Variants in TMEM132D observed in about 807,000 individuals in gnomAD.
TMEM132D encodes mature OL transmembrane protein.
In TMEM132D, 21 loss-of-function variants were observed where a neutral mutation model predicts 62.3. That is an observed-to-expected ratio of 0.34 (90% CI 0.24 to 0.49). TMEM132D has a LOEUF of 0.49. TMEM132D is among the 20% of genes least tolerant of loss of function. TMEM132D has a pLI of 0.99. For missense variants in TMEM132D, 1,346 were observed against 1,402.8 expected (o/e 0.96, Z 0.65); for synonymous variants, 621 against 575.6 (o/e 1.08, Z -1.13).
chr12:129,785,126 G>A (rs1456274132), intron 1 of TMEM132D, among the ~76,000 whole-genome samples: 3 of 152,136 alleles, frequency 2.0e-5, no homozygotes, highest in Non-Finnish European at 2.9e-5. Flanking sequence ...GGATCAGTGG[G>A]CTCCTAGGGT....
chr12:129,563,653 A>T (rs1247919989), intron 2 of TMEM132D, among the ~76,000 whole-genome samples: 11 of 152,322 alleles, frequency 7.2e-5, no homozygotes, highest in African/African-American at 2.6e-4. Context: ...TTGTCCTTTT[A>T]GGATAGATTC....
chr12:129,762,704 T>A (rs1870423561), intron 1 of TMEM132D, among the ~76,000 whole-genome samples: 1 of 152,154 alleles, frequency 6.6e-6, no homozygotes, highest in Non-Finnish European at 1.5e-5. Flanking sequence ...AGCCAGGCAG[T>A]CTGTTTCTAG....
chr12:129,192,268 C>T (rs938759161), intron 5 of TMEM132D, among the ~76,000 whole-genome samples: 1 of 152,166 alleles, frequency 6.6e-6, no homozygotes, highest in Non-Finnish European at 1.5e-5. Flanking sequence ...TAGAAGTTCT[C>T]ATTTGGAATT....
intron 4 of TMEM132D, among the ~76,000 whole-genome samples, chr12:129,319,475 G>T (rs961877192): frequency 2.6e-5 from 4 of 152,202 alleles, no homozygotes; most frequent in African/African-American, 9.6e-5. Context: ...TCCTGCAGGA[G>T]CAGTCCGCTT....
intron 5 of TMEM132D, among the ~76,000 whole-genome samples, chr12:129,206,914 T>C (rs971086566): frequency 6.6e-6 from 1 of 151,934 alleles, no homozygotes; most frequent in East Asian, 1.9e-4. Flanking sequence ...ACATGGATAC[T>C]AGGAGGAGAA....
chr12:129,650,268 G>A (rs1879894473), intron 2 of TMEM132D, among the ~76,000 whole-genome samples: 1 of 152,210 alleles, frequency 6.6e-6, no homozygotes, highest in Middle Eastern at 3.4e-3. Flanking sequence ...TCGATATTAT[G>A]TTTGTGATAT....
intron 4 of TMEM132D, among the ~76,000 whole-genome samples, chr12:129,311,317 G>T (rs56364261): frequency 0.23 from 33,871 of 148,102 alleles, 4,924 homozygotes; most frequent in East Asian, 0.41. Context: ...GTTGTTAAAA[G>T]TATCATGAGC....
At chr12:129,605,240 A>T (rs1310515247) in intron 2 of TMEM132D, among the ~76,000 whole-genome samples, 1 of 152,176 alleles carries the variant, frequency 6.6e-6, no homozygotes, top group East Asian at 1.9e-4. Context: ...CATGACGGGC[A>T]TGGTTATCAA....
chr12:129,807,265 A>AT (rs1205821378), intron 1 of TMEM132D, among the ~76,000 whole-genome samples: 2 of 152,074 alleles, frequency 1.3e-5, no homozygotes, highest in Non-Finnish European at 2.9e-5. Context: ...GTCCACCCGC[A>AT]TTCTCCCCAG....
chr12:129,571,139 T>C (rs140504543), intron 2 of TMEM132D, among the ~76,000 whole-genome samples: 3 of 152,350 alleles, frequency 2.0e-5, no homozygotes, highest in East Asian at 1.9e-4. Flanking sequence ...CAAAGGGAAG[T>C]TGTCCTCTTT....
At chr12:129,079,338 T>G (rs1238328758) in intron 7 of TMEM132D, among the ~76,000 whole-genome samples, 2 of 152,204 alleles carry the variant, frequency 1.3e-5, no homozygotes, top group Admixed American at 1.3e-4. Context: ...CATATTCTGA[T>G]AAACGTAGGT....
intron 3 of TMEM132D, among the ~76,000 whole-genome samples, chr12:129,477,358 C>T (rs2137050973): frequency 6.6e-6 from 1 of 152,308 alleles, no homozygotes; most frequent in African/African-American, 2.4e-5. Context: ...ACACCGATCT[C>T]ATCTAATGCT....
intron 2 of TMEM132D, among the ~76,000 whole-genome samples, chr12:129,607,768 T>C (rs185685877): frequency 6.6e-6 from 1 of 152,318 alleles, no homozygotes; most frequent in Non-Finnish European, 1.5e-5. Context: ...CCTTTTTCTG[T>C]GTTTTGGAGT....
intron 4 of TMEM132D, chr12:129,262,388 G>A (rs1345511397): frequency 6.6e-6 from 1 of 152,170 alleles, no homozygotes; most frequent in African/African-American, 2.4e-5. Flanking sequence ...TACCTACTGA[G>A]TTTTAGGCAC....
At chr12:129,301,150 A>C (rs1278378601) in intron 4 of TMEM132D, among the ~76,000 whole-genome samples, 1 of 152,186 alleles carries the variant, frequency 6.6e-6, no homozygotes, top group Non-Finnish European at 1.5e-5. Context: ...CCGAGAGCAG[A>C]AGCTGGAAAG....
At chr12:129,795,991 C>G (rs1285629211) in intron 1 of TMEM132D, among the ~76,000 whole-genome samples, 1 of 151,942 alleles carries the variant, frequency 6.6e-6, no homozygotes. Context: ...TTCCCATGTT[C>G]CATTTCTATT....
chr12:129,841,684 A>T (rs906670253), intron 1 of TMEM132D, among the ~76,000 whole-genome samples: 1 of 152,206 alleles, frequency 6.6e-6, no homozygotes, highest in African/African-American at 2.4e-5. Flanking sequence ...TGGAGAACTC[A>T]ACGACGAAGT....
intron 3 of TMEM132D, among the ~76,000 whole-genome samples, chr12:129,463,265 AT>A (rs922907312): frequency 2.6e-5 from 4 of 151,484 alleles, no homozygotes. Context: ...TATTTTATTT[AT>A]TTTTTTTGAG....
intron 2 of TMEM132D, among the ~76,000 whole-genome samples, chr12:129,615,143 A>G (rs1479567444): frequency 6.6e-6 from 1 of 152,178 alleles, no homozygotes; most frequent in Non-Finnish European, 1.5e-5. Flanking sequence ...AACACAGAAC[A>G]GGGAAATTTG....
Sources: gnomAD v4.1 joint callset for allele counts (sites outside exome capture counted in the v4.1 genomes callset) on GRCh38, gnomAD v4.1.1 for gene constraint, MANE v1.5 for transcripts, NCBI Gene and HGNC (gene_info 2026-07-23, HGNC 2026-07-21) for gene names.